Variants in FOXRED2 observed in about 807,000 individuals in gnomAD.
FOXRED2 encodes the protein FAD-dependent oxidoreductase domain-containing protein 2.
FOXRED2 carries 32 observed loss-of-function variants against 52.5 expected under a neutral mutation model. The ratio of observed to expected loss-of-function variants is 0.61; its 90% confidence interval spans 0.46 to 0.82. FOXRED2 has a LOEUF of 0.82. Ranked by LOEUF, FOXRED2 falls within the 40% of genes least tolerant of loss-of-function variation. The probability of loss-of-function intolerance (pLI) is 0.00; values close to 1 mark genes in which losing one functional copy is unlikely to be tolerated. For missense variants in FOXRED2, 848 were observed against 937.5 expected, an observed-to-expected ratio of 0.90 and a Z score of 1.25; for synonymous variants, 405 against 398.1, an observed-to-expected ratio of 1.02 and a Z score of -0.21.
rs1420783449 is a variant in FOXRED2 at position 36,504,194 on chromosome 22, A to G, written c.953T>C (p.Leu318Pro). ...NTNQSADSIT[L>P]PQDDNDNFAM... ...AAAGTTGTCATTGTCGTCCTGGGGG[A>G]GGGTGATGGAGTCGGCACTCTGGTT... The change falls in exon 4 of 9, where the codon CTC becomes CCC. Residue 318 changes from leucine (L) to proline (P), a missense_variant. Transcript: ENST00000397224. The G allele has an allele frequency of 6.2e-7, 1 of 1,614,108 alleles. No homozygotes were observed. The highest frequency in any genetic ancestry group is 1.1e-5 in the South Asian group (1 of 91,078).
At position 36,504,373 on chromosome 22, in the gene FOXRED2, C is replaced by A. The variant is rs765269287; in HGVS notation, c.780-6G>T. Reference sequence around the variant, plus strand: ...GCAGGCCATTGTTGATGGCTCTGAGCCCACAGAGAATGCAGGGGAGAGAGA... The same window carrying A: ...GCAGGCCATTGTTGATGGCTCTGAGACCACAGAGAATGCAGGGGAGAGAGA... On this transcript the variant is annotated splice_region_variant and splice_polypyrimidine_tract_variant and intron_variant, in intron 3 of 8. Transcript: ENST00000397224. 1.2e-6 allele frequency: 2 copies of A among 1,613,442 alleles called. No homozygotes were observed. The highest frequency in any genetic ancestry group is 8.5e-7 in the Non-Finnish European group (1 of 1,179,582).
intron 5 of FOXRED2, among the ~76,000 whole-genome samples, chr22:36,498,856 T>C (rs953849680): frequency 1.3e-5 from 2 of 151,778 alleles, no homozygotes; most frequent in Admixed American, 6.6e-5. Flanking sequence ...TTGCCCGTAC[T>C]GTAAGACCCC....
At chr22:36,497,855 A>C (rs1477350604) in intron 6 of FOXRED2, 136 bp downstream of exon 6, 2 of 949,254 alleles carry the variant, frequency 2.1e-6, no homozygotes, top group African/African-American at 3.3e-5. Context: ...TTTTCCCCAG[A>C]ACAGGCATGT....
At position 36,493,707 on chromosome 22, in the gene FOXRED2, G is replaced by A. The variant is rs775500624; in HGVS notation, c.1721C>T (p.Pro574Leu). Residue 574 changes from proline (P) to leucine (L), a missense_variant, in exon 8 of 9, where the codon CCG (proline) becomes CTG (leucine). Coordinates refer to ENST00000397224, the MANE Select transcript of FOXRED2 (RefSeq NM_001102371.2). ...CCTCAGAGGTAGGATGTGCCCGATCGGGGCAGTCCAGTCTGTTAAGAAGTC... is the reference window on the plus strand; with the variant it reads ...CCTCAGAGGTAGGATGTGCCCGATCAGGGCAGTCCAGTCTGTTAAGAAGTC... Reference protein sequence around the residue: ...VEDFLTDWTAPIGHILPLRRF... With the variant: ...VEDFLTDWTALIGHILPLRRF... 28 of 1,614,028 alleles carry A rather than the reference G, an allele frequency of 1.7e-5. No homozygotes were observed. The Admixed American group carries it at 1.8e-4, about 11-fold the overall frequency.
chr22:36,496,061 G>A lies in FOXRED2; in HGVS notation c.1530C>T (p.Val510=). The A allele has an allele frequency of 1.2e-6, 2 of 1,614,228 alleles. No individual in the cohort carries two copies. The highest frequency in any genetic ancestry group is 2.2e-5 in the South Asian group (2 of 91,088). ...GCCCCACAGACCGGTCATCAAAGAAGACGTCCTTGTCGGGGCCAGAGAAAT... is the reference window on the plus strand; with the variant it reads ...GCCCCACAGACCGGTCATCAAAGAAAACGTCCTTGTCGGGGCCAGAGAAAT... ...GRNFSGPDKD[V]FFDDRSVGHT... The change falls in exon 7 of 9, where the codon GTC becomes GTT. Residue 510 remains valine, a synonymous_variant. Transcript: ENST00000397224.
At position 36,507,002 on chromosome 22, in the gene FOXRED2, C is replaced by T. The variant is rs922730712; in HGVS notation, c.-2+7G>A. On this transcript the variant is annotated splice_region_variant and intron_variant, in intron 1 of 8. Coordinates refer to ENST00000397224, the MANE Select transcript of FOXRED2 (RefSeq NM_001102371.2). ...GCCTCCGACCGAACCCTGAGAAACGCGCGAACCTCCCAGCCGCTCCGGCTG... is the reference window on the plus strand; with the variant it reads ...GCCTCCGACCGAACCCTGAGAAACGTGCGAACCTCCCAGCCGCTCCGGCTG... 6.6e-6 allele frequency: 1 copy of T among 152,352 alleles called. No homozygotes were observed. The highest frequency in any genetic ancestry group is 6.5e-5 in the Admixed American group (1 of 15,288). The allele number at this position is 152,352 out of a possible 1,614,324, so 9.4% of individuals were successfully genotyped here. A position where few individuals can be genotyped will look rare whatever the true frequency, so the allele number is the denominator to read the frequency against.
At chr22:36,501,439 G>C in intron 4 of FOXRED2, 32 bp from the exon 5 acceptor site, 1 of 1,608,864 alleles carries the variant, frequency 6.2e-7, no homozygotes. Flanking sequence ...CATGAAAATA[G>C]CTGCTATGTA....
At chr22:36,501,792 T>G (rs6000287) in intron 4 of FOXRED2, among the ~76,000 whole-genome samples, 5,561 of 152,174 alleles carry the variant, frequency 0.037, 363 homozygotes, top group African/African-American at 0.13. Flanking sequence ...CACTTATTAC[T>G]GGCACTGAGT....
At position 36,496,140 on chromosome 22, in the gene FOXRED2, G is replaced by A; in HGVS notation, c.1451C>T (p.Thr484Ile). 6.2e-7 allele frequency: 1 copy of A among 1,614,186 alleles called. No individual in the cohort carries two copies. The highest frequency in any genetic ancestry group is 2.2e-5 in the East Asian group (1 of 44,890). ...GAGCCCGTGCTTTGCCTTCCTCCCTGTGAGTGTCTCCAGCTGGGCCAGCAT... is the reference window on the plus strand; with the variant it reads ...GAGCCCGTGCTTTGCCTTCCTCCCTATGAGTGTCTCCAGCTGGGCCAGCAT... ...IQMLAQLETL[T>I]GRKAKHGLFV... The change falls in exon 7 of 9, where the codon ACA (threonine) becomes ATA (isoleucine). Residue 484 changes from threonine (T) to isoleucine (I), a missense_variant. Thr to Ile is a moderately conservative substitution (Grantham distance 89). Transcript: ENST00000397224.
chr22:36,498,270 A>G, intron 5 of FOXRED2, 114 bp from the exon 6 acceptor site: 1 of 1,271,026 alleles, frequency 7.9e-7, no homozygotes. Context: ...ACTGGTCTCC[A>G]TGGCCCAGCG....
rs771869623 is a variant in FOXRED2, at chr22:36,506,103, G to C, written c.320C>G (p.Pro107Arg). Reference sequence around the variant, plus strand: ...CGAGTAGTGTCTGAAGAGCAGCCGGGGGTCGTGGCTGAGCAGAGAGTTCCA... The same window carrying C: ...CGAGTAGTGTCTGAAGAGCAGCCGGCGGTCGTGGCTGAGCAGAGAGTTCCA... ...HDWNSLLSHD[P>R]RLLFRHYSRA... Residue 107 changes from proline (P) to arginine (R), a missense_variant, in exon 2 of 9, where the codon CCC becomes CGC. Transcript: ENST00000397224. 1 of 1,614,246 alleles carries C rather than the reference G, an allele frequency of 6.2e-7. No individual in the cohort carries two copies. Among genetic ancestry groups the C allele is most frequent in the Non-Finnish European group, 8.5e-7 (1 of 1,180,034 alleles).
chr22:36,490,494 A>G (rs1366830245), intron 8 of FOXRED2, among the ~76,000 whole-genome samples: 1 of 152,144 alleles, frequency 6.6e-6, no homozygotes, highest in Non-Finnish European at 1.5e-5. Flanking sequence ...CTGCCTTGAC[A>G]CTCTGGAAGA....
At chr22:36,501,440 C>G in intron 4 of FOXRED2, 33 bp from the exon 5 acceptor site, 3 of 1,608,186 alleles carry the variant, frequency 1.9e-6, no homozygotes, top group Non-Finnish European at 2.6e-6. Context: ...ATGAAAATAG[C>G]TGCTATGTAA....
In FOXRED2 at chr22:36,498,158, TG is replaced by T. The variant is rs773207144; in HGVS notation, c.1217-3del. 2 of 1,609,304 alleles carry T rather than the reference TG, an allele frequency of 1.2e-6. No individual in the cohort carries two copies. Among genetic ancestry groups the T allele is most frequent in the African/African-American group, 2.7e-5 (2 of 74,864 alleles). The stretch of plus-strand genomic sequence containing the variant: ...CCAGGAGCCGGTGAACAGCACGCAC[TG>T]GAACAGCCAGAGGGAGGAACGGCAC... On this transcript the variant is annotated splice_region_variant and splice_polypyrimidine_tract_variant and intron_variant, in intron 5 of 8. Coordinates refer to ENST00000397224, the MANE Select transcript of FOXRED2 (RefSeq NM_001102371.2).
Position 36,496,446 on chromosome 22 carries a change from G to A in FOXRED2, c.1383-238C>T, listed in dbSNP as rs201116024. Among the ~76,000 whole-genome samples, 4 of 152,322 alleles carry A rather than the reference G, an allele frequency of 2.6e-5. No individual in the cohort carries two copies. In the East Asian group the frequency reaches 7.7e-4, roughly 29 times the overall value. On this transcript the variant is annotated intron_variant, in intron 6 of 8. Coordinates refer to ENST00000397224, the MANE Select transcript of FOXRED2 (RefSeq NM_001102371.2). ...ATCTGGGGAAAGAGTGTCCCAGGCA[G>A]AGAGAACAGTCAGGAAAAAGCCCTG...
At chr22:36,497,926 G>C (rs1266805403) in intron 6 of FOXRED2, 65 bp downstream of exon 6, 3 of 1,533,066 alleles carry the variant, frequency 2.0e-6, no homozygotes, top group Non-Finnish European at 2.7e-6. Context: ...AATAGGAAGA[G>C]AAGCGCTATG....
intron 6 of FOXRED2, among the ~76,000 whole-genome samples, chr22:36,496,901 C>A: frequency 6.6e-6 from 1 of 152,082 alleles, no homozygotes; most frequent in African/African-American, 2.4e-5. Flanking sequence ...GACAGGGGTG[C>A]CAGGCGTGCT....
In FOXRED2 at chr22:36,489,067, C is replaced by G. The variant is rs1387750745; in HGVS notation, c.*941G>C. ...ATTCATCATCATTATCACACAAAGG[C>G]ATTTGGAAATGTCACCTTACACATG... On this transcript the variant is annotated 3_prime_UTR_variant, in exon 9 of 9. Transcript: ENST00000397224. 2 of 152,176 alleles carry G rather than the reference C, an allele frequency of 1.3e-5. No homozygotes were observed. Among genetic ancestry groups the G allele is most frequent in the African/African-American group, 4.8e-5 (2 of 41,426 alleles). 9.4% of individuals were successfully genotyped at this position (152,176 alleles called of 1,614,324 possible).
Position 36,504,687 on chromosome 22 carries a change from A to C in FOXRED2, c.607T>G (p.Ser203Ala), listed in dbSNP as rs930809464. The change falls in exon 3 of 9, where the codon TCC (serine) becomes GCC (alanine). Residue 203 changes from serine (S) to alanine (A), a missense_variant. Transcript: ENST00000397224. Reference protein sequence around the residue: ...PGSEYAEGYESVSVDPEDFVG... With the variant: ...PGSEYAEGYEAVSVDPEDFVG... ...AAGTCCTCAGGGTCCACGGACACGG[A>C]CTCGTAACCCTCTGCATATTCGGAG... 3 of 1,614,100 alleles carry C rather than the reference A, an allele frequency of 1.9e-6. No individual in the cohort carries two copies. The highest frequency in any genetic ancestry group is 2.2e-5 in the South Asian group (2 of 91,084).
Sources: gnomAD v4.1 joint callset for allele counts (sites outside exome capture counted in the v4.1 genomes callset) on GRCh38, gnomAD v4.1.1 for gene constraint, MANE v1.5 for transcripts, NCBI Gene and HGNC (gene_info 2026-07-23, HGNC 2026-07-21) for gene names.